The following KLK13 variants were observed in gnomAD, a reference collection of about 807,000 sequenced individuals.
KLK13 encodes the protein kallikrein related peptidase 13, also known as kallikrein-13.
In KLK13, 19 loss-of-function variants were observed where a neutral mutation model predicts 22.4. That is an observed-to-expected ratio of 0.85 (90% CI 0.59 to 1.24). KLK13 has a LOEUF of 1.24. Ranked by LOEUF, KLK13 falls within the 50% of genes most tolerant of loss-of-function variation. The probability of loss-of-function intolerance (pLI) is 0.00; values close to 1 mark genes in which losing one functional copy is unlikely to be tolerated. For synonymous variants in KLK13, 156 were observed against 141.8 expected, an observed-to-expected ratio of 1.10 and a Z score of -0.71; for missense variants, 311 against 347.9, an observed-to-expected ratio of 0.89 and a Z score of 0.84.
rs1175282993 is a variant in KLK13 at position 51,060,625 on chromosome 19, A to G, written c.53-6T>C. On this transcript the variant is annotated splice_region_variant and splice_polypyrimidine_tract_variant and intron_variant, in intron 1 of 4. Coordinates refer to ENST00000595793, the MANE Select transcript of KLK13 (RefSeq NM_015596.3). ...GGAAGACTCCTGGGAGACACCTGGT[A>G]AAGAAGAGAGATTGTTAGAAAACTG... The G allele has an allele frequency of 1.3e-6, 2 of 1,578,414 alleles. No homozygotes were observed. Among genetic ancestry groups the G allele is most frequent in the Non-Finnish European group, 1.7e-6 (2 of 1,155,614 alleles).
At position 51,058,677 on chromosome 19, in the gene KLK13, G is replaced by A. The variant is rs1282505556; in HGVS notation, c.509-3C>T. On this transcript the variant is annotated splice_polypyrimidine_tract_variant and splice_region_variant and intron_variant, in intron 3 of 4. Transcript: ENST00000595793. ...TTGTAGAGTTTTGGGGTAATTCACT[G>A]GGGAGAAGAAAGAGAAGGTCTAAGG... 1.5e-5 allele frequency: 25 copies of A among 1,613,990 alleles called. No individual in the cohort carries two copies. The highest frequency in any genetic ancestry group is 2.1e-5 in the Non-Finnish European group (25 of 1,179,990).
chr19:51,064,171 G>A (rs570369404), intron 1 of KLK13, among the ~76,000 whole-genome samples: 1 of 152,184 alleles, frequency 6.6e-6, no homozygotes, highest in East Asian at 1.9e-4. Flanking sequence ...CAATCTAGAA[G>A]GTTCTGGAAG....
intron 1 of KLK13, among the ~76,000 whole-genome samples, chr19:51,061,263 TATCCATCCATGC>T (rs1244329526): frequency 6.6e-6 from 1 of 151,910 alleles, no homozygotes; most frequent in Non-Finnish European, 1.5e-5. Context: ...TCTATCCATA[TATCCATCCATGC>T]ATCCATCCAA....
Position 51,056,512 on chromosome 19 carries a change from G to A in KLK13, c.*75C>T, listed in dbSNP as rs1264453448. The stretch of plus-strand genomic sequence containing the variant: ...GGTTCAAATGGAACACTGGGAATAA[G>A]GAGCAGAGAAGGGCTAAGCAGACCA... On this transcript the variant is annotated 3_prime_UTR_variant, in exon 5 of 5. Coordinates refer to ENST00000595793, the MANE Select transcript of KLK13 (RefSeq NM_015596.3). 7.2e-7 allele frequency: 1 copy of A among 1,391,010 alleles called. No homozygotes were observed. The highest frequency in any genetic ancestry group is 1.3e-5 in the South Asian group (1 of 79,046). The allele number at this position is 1,391,010 out of a possible 1,614,324, so 86.2% of individuals were successfully genotyped here.
At chr19:51,058,478 T>C in intron 4 of KLK13, 60 bp downstream of exon 4, 1 of 1,597,686 alleles carries the variant, frequency 6.3e-7, no homozygotes, top group Non-Finnish European at 8.6e-7. Context: ...CCCCAGCATC[T>C]GTCACTTCCA....
At chr19:51,063,905 T>A (rs1244627149) in intron 1 of KLK13, 1 of 453,874 alleles carries the variant, frequency 2.2e-6, no homozygotes, top group Non-Finnish European at 4.4e-6. Context: ...GATAATTGTT[T>A]GAATAACATC....
At chr19:51,063,523 G>A (rs1305592725) in intron 1 of KLK13, 1 of 381,388 alleles carries the variant, frequency 2.6e-6, no homozygotes, top group Non-Finnish European at 5.2e-6. Context: ...TGGAGCAGGA[G>A]CCTTCTGTCT....
At chr19:51,060,330 C>G (rs923518160) in intron 2 of KLK13, 103 bp downstream of exon 2, 1 of 1,282,666 alleles carries the variant, frequency 7.8e-7, no homozygotes, top group Non-Finnish European at 1.1e-6. Flanking sequence ...CCATGTCCAT[C>G]CCCAACCCTA....
Position 51,060,113 on chromosome 19 carries a change from G to A in KLK13, c.240-20C>T. Reference sequence around the variant, plus strand: ...AGCCCCCTGTGGGTGCAGAAAGAAGGTGGTTAGGAAAGAAGATGAGCCCAT... The same window carrying A: ...AGCCCCCTGTGGGTGCAGAAAGAAGATGGTTAGGAAAGAAGATGAGCCCAT... On this transcript the variant is annotated intron_variant, in intron 2 of 4. Coordinates refer to ENST00000595793, the MANE Select transcript of KLK13 (RefSeq NM_015596.3). The A allele has an allele frequency of 6.2e-7, 1 of 1,612,054 alleles. No individual in the cohort carries two copies. The highest frequency in any genetic ancestry group is 1.1e-5 in the South Asian group (1 of 91,034).
At chr19:51,060,383 T>C in intron 2 of KLK13, 50 bp downstream of exon 2, 2 of 1,515,450 alleles carry the variant, frequency 1.3e-6, no homozygotes, top group South Asian at 1.3e-5. Context: ...CCATCCACAA[T>C]CCCAGTCCCA....
intron 1 of KLK13, among the ~76,000 whole-genome samples, chr19:51,063,011 C>T (rs1080669): frequency 0.12 from 18,601 of 152,134 alleles, 1,255 homozygotes; most frequent in Middle Eastern, 0.21. Flanking sequence ...CACACTCAGA[C>T]GCTGAACCAG....
At chr19:51,060,136 C>T (rs754966934) in intron 2 of KLK13, 43 bp from the exon 3 acceptor site, 1 of 1,605,760 alleles carries the variant, frequency 6.2e-7, no homozygotes, top group Admixed American at 1.7e-5. Flanking sequence ...AAGATGAGCC[C>T]ATTTCCATCC....
upstream of KLK13, among the ~76,000 whole-genome samples, chr19:51,065,616 C>T (rs889450638): frequency 3.9e-5 from 6 of 152,170 alleles, no homozygotes; most frequent in Admixed American, 1.3e-4. Flanking sequence ...CGCTCCCCGC[C>T]CCCGCCCCAG....
intron 1 of KLK13, chr19:51,063,927 C>T (rs2091753115): frequency 4.6e-6 from 2 of 436,542 alleles, no homozygotes; most frequent in Admixed American, 2.5e-5. Context: ...GCGTCTGTCC[C>T]CGCTAGACTC....
intron 1 of KLK13, among the ~76,000 whole-genome samples, chr19:51,064,271 T>C (rs1004291778): frequency 1.3e-5 from 2 of 151,922 alleles, no homozygotes; most frequent in Non-Finnish European, 2.9e-5. Flanking sequence ...GCGGGCTACT[T>C]GAAGTTAGAA....
Position 51,056,221 on chromosome 19 carries a change from AT to A in KLK13, c.*365del. ...TAGAGGATGTTGTCAAGGATGGTCC[AT>A]TTATAGGACATATATTGTTGAGATG... On this transcript the variant is annotated 3_prime_UTR_variant, in exon 5 of 5. Coordinates refer to ENST00000595793, the MANE Select transcript of KLK13 (RefSeq NM_015596.3). The A allele has an allele frequency of 9.2e-6, 2 of 217,180 alleles. No homozygotes were observed. The highest frequency in any genetic ancestry group is 5.4e-5 in the Admixed American group (1 of 18,470). The allele number at this position is 217,180 out of a possible 1,614,324, so 13.5% of individuals were successfully genotyped here. A position where few individuals can be genotyped will look rare whatever the true frequency, so the allele number is the denominator to read the frequency against.
rs755917951 is a variant in KLK13 at position 51,058,682 on chromosome 19, G to C, written c.509-8C>G. The stretch of plus-strand genomic sequence containing the variant: ...GAGTTTTGGGGTAATTCACTGGGGA[G>C]AAGAAAGAGAAGGTCTAAGGTATCC... On this transcript the variant is annotated splice_polypyrimidine_tract_variant and splice_region_variant and intron_variant, in intron 3 of 4. Transcript: ENST00000595793. The C allele has an allele frequency of 4.3e-6, 7 of 1,614,134 alleles. No individual in the cohort carries two copies. The East Asian group carries it at 1.6e-4, about 36-fold the overall frequency.
At position 51,060,618 on chromosome 19, in the gene KLK13, A is replaced by T. The variant is rs768225098; in HGVS notation, c.54T>A (p.Gly18=). 1.3e-6 allele frequency: 2 copies of T among 1,587,922 alleles called. No individual in the cohort carries two copies. Among genetic ancestry groups the T allele is most frequent in the Non-Finnish European group, 1.7e-6 (2 of 1,161,536 alleles). ...GAACCTTGGAAGACTCCTGGGAGACACCTGGTAAAGAAGAGAGATTGTTAG... is the reference window on the plus strand; with the variant it reads ...GAACCTTGGAAGACTCCTGGGAGACTCCTGGTAAAGAAGAGAGATTGTTAG... ...IASLTLALSG[G]VSQESSKVLN... is the part of the protein sequence containing the mutation. Residue 18 remains glycine (G), a splice_region_variant and synonymous_variant, in exon 2 of 5, where the codon GGT becomes GGA. Transcript: ENST00000595793.
In KLK13 at chr19:51,056,014, A is replaced by C. The variant is rs146382037; in HGVS notation, c.*573T>G. On this transcript the variant is annotated 3_prime_UTR_variant, in exon 5 of 5. Coordinates refer to ENST00000595793, the MANE Select transcript of KLK13 (RefSeq NM_015596.3). The stretch of plus-strand genomic sequence containing the variant: ...ACACCCATAACAGTGTGAGAATGAA[A>C]TATTCTGAGGATCCAATGTTAGCTG... Among the ~76,000 whole-genome samples the C allele has an allele frequency of 6.8e-4, 104 of 152,300 alleles. 3 individuals are homozygous for C. The highest frequency in any genetic ancestry group is 2.5e-3 in the African/African-American group (103 of 41,564).
Sources: allele counts gnomAD v4.1 joint callset (sites outside exome capture counted in the v4.1 genomes callset), GRCh38; gene constraint gnomAD v4.1.1; transcripts MANE v1.5; gene names NCBI Gene and HGNC (gene_info 2026-07-23, HGNC 2026-07-21).